ASCC3: variants seen among roughly 807,000 people sequenced by gnomAD.
The protein encoded by ASCC3 is ASC-1 complex subunit P200.
In ASCC3, 158 loss-of-function variants were observed where a neutral mutation model predicts 256.3. The observed-to-expected ratio is 0.62, with a 90% CI of 0.54 to 0.70. The LOEUF (loss-of-function observed/expected upper bound fraction) is 0.70, where lower values mean the gene tolerates loss of function less well. Ranked by LOEUF, ASCC3 falls within the 30% of genes least tolerant of loss-of-function variation. ASCC3 has a pLI of 0.00. For synonymous variants in ASCC3, 948 were observed against 883.4 expected, an observed-to-expected ratio of 1.07 and a Z score of -1.30; for missense variants, 2,259 against 2,626.0, an observed-to-expected ratio of 0.86 and a Z score of 3.05.
At chr6:100,687,551 TA>T (rs1405391162) in intron 13 of ASCC3, among the ~76,000 whole-genome samples, 1 of 151,990 alleles carries the variant, frequency 6.6e-6, no homozygotes, top group African/African-American at 2.4e-5. Context: ...ATTAAATATA[TA>T]AATTATTTTG....
intron 10 of ASCC3, among the ~76,000 whole-genome samples, chr6:100,763,854 G>A (rs190960785): frequency 1.9e-4 from 29 of 152,286 alleles, no homozygotes; most frequent in African/African-American, 7.0e-4. Context: ...ATGCTAAGCC[G>A]TGCAGTCCCC....
intron 10 of ASCC3, among the ~76,000 whole-genome samples, chr6:100,729,718 A>G (rs1779812111): frequency 6.6e-6 from 1 of 152,222 alleles, no homozygotes; most frequent in Admixed American, 6.5e-5. Flanking sequence ...ACTTTGAAGC[A>G]TATGGCTAAA....
chr6:100,812,582 G>A (rs1770526682), intron 4 of ASCC3, among the ~76,000 whole-genome samples: 1 of 152,046 alleles, frequency 6.6e-6, no homozygotes, highest in South Asian at 2.1e-4. Context: ...GAGTCAAACT[G>A]TCAGAAGAAA....
At position 100,644,820 on chromosome 6, in the gene ASCC3, T is replaced by C. The variant is rs543326288; in HGVS notation, c.3634-691A>G. 1.5e-3 allele frequency among the ~76,000 whole-genome samples: 226 copies of C among 152,286 alleles called. 2 individuals are homozygous for C. Among genetic ancestry groups the C allele is most frequent in the Non-Finnish European group, 2.3e-3 (155 of 68,020 alleles). On this transcript the variant is annotated intron_variant, in intron 22 of 41. Transcript: ENST00000369162. ...CTGAAGAAAAGGTCTATGGTCCATG[T>C]TCTGGGCTGGAGAAGTGGGGATGTG... is the stretch of plus-strand genomic sequence containing the variant.
intron 30 of ASCC3, among the ~76,000 whole-genome samples, chr6:100,613,560 A>C (rs974906935): frequency 6.6e-6 from 1 of 152,052 alleles, no homozygotes; most frequent in Non-Finnish European, 1.5e-5. Flanking sequence ...ATGGATACTT[A>C]GGTTGATTCC....
intron 36 of ASCC3, among the ~76,000 whole-genome samples, chr6:100,587,093 T>C (rs935726663): frequency 6.6e-6 from 1 of 152,140 alleles, no homozygotes; most frequent in Admixed American, 6.5e-5. Flanking sequence ...ACAAAAGCAA[T>C]GATAATGGAA....
At chr6:100,557,049 A>G (rs1419843632) in intron 36 of ASCC3, among the ~76,000 whole-genome samples, 1 of 152,202 alleles carries the variant, frequency 6.6e-6, no homozygotes, top group African/African-American at 2.4e-5. Context: ...ACAAGATTTT[A>G]GACATGTTGA....
At chr6:100,666,950 A>T (rs1776508059) in intron 14 of ASCC3, among the ~76,000 whole-genome samples, 1 of 152,168 alleles carries the variant, frequency 6.6e-6, no homozygotes, top group Admixed American at 6.6e-5. Context: ...ATTTAAGACA[A>T]AATCTGAGCT....
intron 10 of ASCC3, among the ~76,000 whole-genome samples, chr6:100,762,435 C>G (rs1246229689): frequency 6.6e-6 from 1 of 152,098 alleles, no homozygotes; most frequent in Non-Finnish European, 1.5e-5. Flanking sequence ...AACTCTTCAT[C>G]AAGGATACAT....
rs116276358 is a variant in ASCC3, at chr6:100,579,435, G to A, written c.5550+10199C>T. On this transcript the variant is annotated intron_variant, in intron 36 of 41. Coordinates refer to ENST00000369162, the MANE Select transcript of ASCC3 (RefSeq NM_006828.4). ...ATTTGCCAGGGCCTACGTCCAGAATGGTATTTCCTGGGTTATCTTCCAGAG... is the reference window on the plus strand; with the variant it reads ...ATTTGCCAGGGCCTACGTCCAGAATAGTATTTCCTGGGTTATCTTCCAGAG... 5.2e-3 allele frequency among the ~76,000 whole-genome samples: 789 copies of A among 152,058 alleles called. 6 individuals are homozygous for A. Among genetic ancestry groups the A allele is most frequent in the African/African-American group, 0.018 (758 of 41,484 alleles).
intron 3 of ASCC3, among the ~76,000 whole-genome samples, chr6:100,853,107 C>A (rs1582964718): frequency 6.6e-6 from 1 of 151,990 alleles, no homozygotes. Context: ...AAATAATTTT[C>A]AAACTTAAAA....
chr6:100,822,469 A>G (rs846799), intron 4 of ASCC3, among the ~76,000 whole-genome samples: 69,700 of 150,564 alleles, frequency 0.46, 16,424 homozygotes, highest in Middle Eastern at 0.59. Context: ...CCTGGAAGAC[A>G]GAGGTTGCAG....
chr6:100,817,125 T>G (rs965606576), intron 4 of ASCC3, among the ~76,000 whole-genome samples: 1 of 151,766 alleles, frequency 6.6e-6, no homozygotes, highest in Admixed American at 6.6e-5. Flanking sequence ...AATTTAAAAT[T>G]TAGAAATAAT....
chr6:100,521,923 G>T (rs553501505), intron 37 of ASCC3, among the ~76,000 whole-genome samples: 2 of 152,278 alleles, frequency 1.3e-5, no homozygotes, highest in African/African-American at 4.8e-5. Context: ...ATAGGTATAT[G>T]CTCCTCCCCA....
intron 41 of ASCC3, 69 bp from the exon 42 acceptor site, chr6:100,509,602 G>C: frequency 6.7e-7 from 1 of 1,485,168 alleles, no homozygotes; most frequent in Non-Finnish European, 9.3e-7. Context: ...AATTCTTTCA[G>C]AACTTTGGTA....
intron 3 of ASCC3, among the ~76,000 whole-genome samples, chr6:100,853,266 T>A (rs1047430170): frequency 6.6e-6 from 1 of 152,160 alleles, no homozygotes; most frequent in Non-Finnish European, 1.5e-5. Flanking sequence ...TTCTTTTGAT[T>A]CAAAATATTA....
At chr6:100,584,103 C>T (rs1409072658) in intron 36 of ASCC3, among the ~76,000 whole-genome samples, 1 of 151,446 alleles carries the variant, frequency 6.6e-6, no homozygotes, top group Non-Finnish European at 1.5e-5. Context: ...TCTATTAGGT[C>T]TGCTTGGTGC....
intron 36 of ASCC3, among the ~76,000 whole-genome samples, chr6:100,572,905 C>T (rs1028350077): frequency 1.3e-5 from 2 of 152,056 alleles, no homozygotes; most frequent in African/African-American, 4.8e-5. Flanking sequence ...ATATATCTTA[C>T]ATGTCAATGC....
At chr6:100,676,173 C>T (rs940752172) in intron 14 of ASCC3, among the ~76,000 whole-genome samples, 1 of 151,750 alleles carries the variant, frequency 6.6e-6, no homozygotes, top group African/African-American at 2.4e-5. Flanking sequence ...TATCCTTTTG[C>T]CATTTTAAAA....
Sources: gnomAD v4.1 joint callset for allele counts (sites outside exome capture counted in the v4.1 genomes callset) on GRCh38, gnomAD v4.1.1 for gene constraint, MANE v1.5 for transcripts, NCBI Gene and HGNC (gene_info 2026-07-23, HGNC 2026-07-21) for gene names.